Variants in PIEZO2 observed in about 807,000 individuals in gnomAD.
The protein encoded by PIEZO2 is piezo type mechanosensitive ion channel component 2, also known as piezo-type mechanosensitive ion channel component 2.
A neutral mutation model predicts 337.3 loss-of-function variants in PIEZO2; 172 were observed. The ratio of observed to expected loss-of-function variants is 0.51; its 90% confidence interval spans 0.45 to 0.58. PIEZO2 has a LOEUF of 0.58. PIEZO2 is among the 20% of genes least tolerant of loss of function. PIEZO2 has a pLI of 0.00. For missense variants in PIEZO2, 3,028 were observed against 3,391.3 expected, an observed-to-expected ratio of 0.89 and a Z score of 2.66; for synonymous variants, 1,251 against 1,228.5, an observed-to-expected ratio of 1.02 and a Z score of -0.38.
intron 8 of PIEZO2, among the ~76,000 whole-genome samples, chr18:10,805,154 C>A (rs1471569643): frequency 6.6e-6 from 1 of 152,184 alleles, no homozygotes; most frequent in Non-Finnish European, 1.5e-5. Context: ...CCAGAGAAAG[C>A]AAATGGGCTG....
At chr18:11,106,642 C>T (rs1358934164) in intron 1 of PIEZO2, among the ~76,000 whole-genome samples, 1 of 151,978 alleles carries the variant, frequency 6.6e-6, no homozygotes, top group Non-Finnish European at 1.5e-5. Context: ...TCCAACTCTG[C>T]GCTCAAGTGA....
intron 4 of PIEZO2, among the ~76,000 whole-genome samples, chr18:10,880,885 A>G (rs1568159682): frequency 5.0e-5 from 4 of 80,212 alleles, no homozygotes; most frequent in African/African-American, 2.0e-4. Flanking sequence ...ATATATATAT[A>G]TATATATATA....
rs2042843440 is a variant in PIEZO2 at position 10,894,540 on chromosome 18, T to C, written c.329+16646A>G. On this transcript the variant is annotated intron_variant, in intron 4 of 55. Coordinates refer to ENST00000674853, the MANE Select transcript of PIEZO2 (RefSeq NM_001378183.1). The surrounding 1 kb of genome is among the most constrained non-coding windows in gnomAD (Gnocchi z 4.1). ...AAGGGAAGCACGCCTCAAGTGATCATGCAAACAACTCCAGTGAAGACACTG... is the reference window on the plus strand; with the variant it reads ...AAGGGAAGCACGCCTCAAGTGATCACGCAAACAACTCCAGTGAAGACACTG... 6.6e-6 allele frequency: 1 copy of C among 152,178 alleles called. No homozygotes were observed. The highest frequency in any genetic ancestry group is 1.5e-5 in the Non-Finnish European group (1 of 68,044). 9.4% of individuals were successfully genotyped at this position (152,178 alleles called of 1,614,324 possible).
At chr18:10,958,173 A>G (rs2033621430) in intron 3 of PIEZO2, among the ~76,000 whole-genome samples, 1 of 152,210 alleles carries the variant, frequency 6.6e-6, no homozygotes, top group Non-Finnish European at 1.5e-5. Context: ...ATAAAAGTAT[A>G]TACACAATGG....
intron 28 of PIEZO2, among the ~76,000 whole-genome samples, 156 bp downstream of exon 28, chr18:10,752,480 A>G (rs1317056314): frequency 6.6e-6 from 1 of 152,248 alleles, no homozygotes; most frequent in East Asian, 1.9e-4. Flanking sequence ...GGCAAGACAG[A>G]GAGAAATAAA....
chr18:10,807,856 C>G (rs1382087629), intron 7 of PIEZO2, among the ~76,000 whole-genome samples: 2 of 152,142 alleles, frequency 1.3e-5, no homozygotes, highest in Non-Finnish European at 2.9e-5. Context: ...AGCATAGTAA[C>G]TAATCATTTT....
Position 10,945,330 on chromosome 18 carries a change from C to T in PIEZO2, c.287-34102G>A, listed in dbSNP as rs2032961103. On this transcript the variant is annotated intron_variant, in intron 3 of 55. Coordinates refer to ENST00000674853, the MANE Select transcript of PIEZO2 (RefSeq NM_001378183.1). The surrounding 1 kb of genome is among the most constrained non-coding windows in gnomAD (Gnocchi z 4.0). ...AAAGTGCTGGGATTACAGATGTGAG[C>T]CACTGCACCTGGCTGAAACTCTCTA... Among the ~76,000 whole-genome samples the T allele has an allele frequency of 6.6e-6, 1 of 152,108 alleles. No homozygotes were observed. The highest frequency in any genetic ancestry group is 1.5e-5 in the Non-Finnish European group (1 of 68,014).
rs925116774 is a variant in PIEZO2, at chr18:11,031,711, G to A, written c.160+34416C>T. Among the ~76,000 whole-genome samples, 1 of 152,126 alleles carries A rather than the reference G, an allele frequency of 6.6e-6. No homozygotes were observed. On this transcript the variant is annotated intron_variant, in intron 2 of 55. Transcript: ENST00000674853. The surrounding 1 kb of genome is among the most constrained non-coding windows in gnomAD (Gnocchi z 4.7). ...CCAGAGGAGCCAGATATAACCCTTG[G>A]TTGCTCTTGGTACGACTTACCCTTG... is the stretch of plus-strand genomic sequence containing the variant.
intron 7 of PIEZO2, among the ~76,000 whole-genome samples, chr18:10,843,236 TA>T (rs1166336766): frequency 2.0e-5 from 3 of 152,130 alleles, no homozygotes; most frequent in Non-Finnish European, 4.4e-5. Context: ...CACTTTCCAA[TA>T]AAAAGTTTGA....
At chr18:10,885,781 T>C (rs1015164684) in intron 4 of PIEZO2, among the ~76,000 whole-genome samples, 12 of 152,164 alleles carry the variant, frequency 7.9e-5, no homozygotes, top group African/African-American at 2.9e-4. Flanking sequence ...ACATAATGCA[T>C]CCCTCCTAAG....
intron 41 of PIEZO2, 63 bp downstream of exon 41, chr18:10,705,273 T>G: frequency 6.9e-7 from 1 of 1,442,858 alleles, no homozygotes; most frequent in Non-Finnish European, 9.1e-7. Context: ...TATACAGAAT[T>G]AGGGCATTAT....
intron 1 of PIEZO2, among the ~76,000 whole-genome samples, chr18:11,147,316 C>T (rs1369237294): frequency 6.6e-6 from 1 of 152,330 alleles, no homozygotes; most frequent in South Asian, 2.1e-4. Context: ...CACCTTCCCT[C>T]CACTCGGAGC....
rs919227051 is a variant in PIEZO2, at chr18:10,784,688, T to C, written c.2492+96A>G. 3.3e-6 allele frequency: 4 copies of C among 1,208,930 alleles called. No homozygotes were observed. Among genetic ancestry groups the C allele is most frequent in the Non-Finnish European group, 4.4e-6 (4 of 903,928 alleles). 74.9% of individuals were successfully genotyped at this position (1,208,930 alleles called of 1,614,324 possible). ...ATGGAAAATTCAAGGCTGAAACTTT[T>C]AGATTACTGGCTTCTCGCAAGGTGG... On this transcript the variant is annotated intron_variant, in intron 17 of 55. Coordinates refer to ENST00000674853, the MANE Select transcript of PIEZO2 (RefSeq NM_001378183.1). The surrounding 1 kb of genome is among the most constrained non-coding windows in gnomAD (Gnocchi z 4.5).
At chr18:10,702,706 C>G (rs763024041) in intron 42 of PIEZO2, among the ~76,000 whole-genome samples, 1 of 152,206 alleles carries the variant, frequency 6.6e-6, no homozygotes, top group Non-Finnish European at 1.5e-5. Flanking sequence ...TTCTATTCAT[C>G]TTTGTATTCT....
rs2144200535 is a variant in PIEZO2 at position 10,794,024 on chromosome 18, AT to A, written c.1758+747del. Reference sequence around the variant, plus strand: ...AGGAAAGGTGAATTTCATGTAATTCATGAAATGACCATCTCCTCCAAAGACA... The same window carrying A: ...AGGAAAGGTGAATTTCATGTAATTCAGAAATGACCATCTCCTCCAAAGACA... On this transcript the variant is annotated intron_variant, in intron 13 of 55. Transcript: ENST00000674853. This position sits in a 1 kb window ranked among gnomAD's most constrained non-coding sequence, Gnocchi z 6.6. 6.6e-6 allele frequency among the ~76,000 whole-genome samples: 1 copy of A among 152,310 alleles called. No individual in the cohort carries two copies. Among genetic ancestry groups the A allele is most frequent in the Admixed American group, 6.5e-5 (1 of 15,296 alleles).
chr18:10,749,806 A>G (rs2037576591), intron 29 of PIEZO2, among the ~76,000 whole-genome samples: 1 of 152,176 alleles, frequency 6.6e-6, no homozygotes, highest in Non-Finnish European at 1.5e-5. Flanking sequence ...TCTTGACTCA[A>G]AAAGTCCGGG....
Position 10,789,142 on chromosome 18 carries a change from AC to A in PIEZO2, c.2105del (p.Gly702ValfsTer4). ...GGMFFFVSFE[G>X]KIVMYKIIYM... is the part of the protein sequence containing the mutation. ...AGATGATTTTGTACATTACGATTTT[AC>A]CCTCGAAGCTGACGAAGAAGAACAT... On this transcript the variant is annotated frameshift_variant, in exon 15 of 56. Transcript: ENST00000674853. LOFTEE classifies it high-confidence loss of function. 6.5e-7 allele frequency: 1 copy of A among 1,537,268 alleles called. No individual in the cohort carries two copies. Among genetic ancestry groups the A allele is most frequent in the Non-Finnish European group, 8.7e-7 (1 of 1,146,912 alleles).
At chr18:10,737,028 G>T (rs1028042009) in intron 33 of PIEZO2, among the ~76,000 whole-genome samples, 2 of 152,114 alleles carry the variant, frequency 1.3e-5, no homozygotes, top group African/African-American at 2.4e-5. Flanking sequence ...CTCTGCAGCA[G>T]CCAGTTTTGT....
At chr18:10,764,614 T>C (rs1406943991) in intron 21 of PIEZO2, among the ~76,000 whole-genome samples, 2 of 150,670 alleles carry the variant, frequency 1.3e-5, no homozygotes, top group Non-Finnish European at 3.0e-5. Context: ...GTTTAAAAAA[T>C]TATAAAAGAA....
Sources: gnomAD v4.1 joint callset for allele counts (sites outside exome capture counted in the v4.1 genomes callset) on GRCh38, gnomAD v4.1.1 for gene constraint, Gnocchi (gnomAD v3.1) non-coding constraint, MANE v1.5 for transcripts, NCBI Gene and HGNC (gene_info 2026-07-23, HGNC 2026-07-21) for gene names.